The following UBE2W variants were observed in gnomAD, a reference collection of about 807,000 sequenced individuals.
UBE2W encodes the protein ubiquitin-conjugating enzyme E2 W.
In UBE2W, 18 loss-of-function variants were observed where a neutral mutation model predicts 27.2. That is an observed-to-expected ratio of 0.66 (90% CI 0.46 to 0.98). The LOEUF (loss-of-function observed/expected upper bound fraction) is 0.98, where lower values mean the gene tolerates loss of function less well. UBE2W is among the 50% of genes least tolerant of loss of function. UBE2W has a pLI of 0.00. For missense variants in UBE2W, 90 were observed against 180.2 expected (o/e 0.50, Z 2.87); for synonymous variants, 53 against 57.2 (o/e 0.93, Z 0.33).
chr8:73,844,152 T>C (rs1294563726), intron 1 of UBE2W, among the ~76,000 whole-genome samples: 1 of 94,160 alleles, frequency 1.1e-5, no homozygotes, highest in Non-Finnish European at 1.9e-5. Flanking sequence ...TAAAAAGAGC[T>C]AATTCCCCTC....
At chr8:73,828,945 C>T (rs1205804526) in intron 2 of UBE2W, among the ~76,000 whole-genome samples, 3 of 152,100 alleles carry the variant, frequency 2.0e-5, no homozygotes, top group Non-Finnish European at 4.4e-5. Flanking sequence ...TCCATATCCA[C>T]ATTTCATATA....
chr8:73,838,240 T>C (rs1810387778), intron 1 of UBE2W, among the ~76,000 whole-genome samples: 1 of 152,196 alleles, frequency 6.6e-6, no homozygotes, highest in Non-Finnish European at 1.5e-5. Context: ...TTCCTCATCA[T>C]AAAAATAAAT....
intron 3 of UBE2W, among the ~76,000 whole-genome samples, chr8:73,813,631 GGGTGAATTTACATGCCAGA>G (rs141449124): frequency 0.13 from 19,943 of 151,924 alleles, 1,475 homozygotes; most frequent in African/African-American, 0.19. Flanking sequence ...AACATATAAA[GGGTGAATTTACATGCCAGA>G]GGTGAATTTA....
At chr8:73,841,132 G>A (rs780110713) in intron 1 of UBE2W, among the ~76,000 whole-genome samples, 6 of 152,086 alleles carry the variant, frequency 3.9e-5, no homozygotes, top group Middle Eastern at 3.4e-3. Flanking sequence ...AAAATAGGAG[G>A]GTATGATGGA....
chr8:73,866,268 TAAAA>T lies in UBE2W; in HGVS notation c.15+12536_15+12539del, dbSNP rs10568367. Reference sequence around the variant, plus strand: ...CCTGGTGACAAAGCAAGACTTGGTCTAAAAAAAAAAAAAAAAAAAAAAATATATA... The same window carrying T: ...CCTGGTGACAAAGCAAGACTTGGTCTAAAAAAAAAAAAAAAAAAATATATA... On this transcript the variant is annotated intron_variant, in intron 1 of 5. Transcript: ENST00000602593. 6.4e-3 allele frequency among the ~76,000 whole-genome samples: 271 copies of T among 42,268 alleles called. 1 individual carries two copies. Among genetic ancestry groups the T allele is most frequent in the African/African-American group, 0.016 (215 of 13,146 alleles). 27.7% of individuals were successfully genotyped at this position (42,268 alleles called of 152,430 possible). A position where few individuals can be genotyped will look rare whatever the true frequency, so the allele number is the denominator to read the frequency against.
At position 73,788,064 on chromosome 8, in the gene UBE2W, T is replaced by A. The variant is rs1161959828; in HGVS notation, c.*6038A>T. ...AGAGAAACTACTGTACAAATACTTT[T>A]ACGTCATAAACCAAAAAGAGGTCTG... On this transcript the variant is annotated 3_prime_UTR_variant, in exon 6 of 6. Coordinates refer to ENST00000602593, the MANE Select transcript of UBE2W (RefSeq NM_018299.6). The A allele has an allele frequency of 1.0e-6, 1 of 985,186 alleles. No homozygotes were observed. Among genetic ancestry groups the A allele is most frequent in the Admixed American group, 6.2e-5 (1 of 16,260 alleles). 61.0% of individuals were successfully genotyped at this position (985,186 alleles called of 1,614,324 possible).
intron 1 of UBE2W, among the ~76,000 whole-genome samples, chr8:73,851,658 C>T (rs1811084777): frequency 6.6e-6 from 1 of 151,948 alleles, no homozygotes; most frequent in Admixed American, 6.6e-5. Flanking sequence ...AGACTGAAGG[C>T]AGGAAAGACA....
At position 73,792,525 on chromosome 8, in the gene UBE2W, T is replaced by C. The variant is rs1808246514; in HGVS notation, c.*1577A>G. 4 of 985,634 alleles carry C rather than the reference T, an allele frequency of 4.1e-6. No individual in the cohort carries two copies. The highest frequency in any genetic ancestry group is 3.5e-5 in the African/African-American group (2 of 57,368). The allele number at this position is 985,634 out of a possible 1,614,324, so 61.1% of individuals were successfully genotyped here. ...ATTTTAAAATATTATTTACCAATTA[T>C]TGATTGAATGGTTTTACTGGGGTAC... On this transcript the variant is annotated 3_prime_UTR_variant, in exon 6 of 6. Transcript: ENST00000602593.
chr8:73,820,322 T>C (rs1031049031), intron 3 of UBE2W, among the ~76,000 whole-genome samples: 2 of 152,196 alleles, frequency 1.3e-5, no homozygotes, highest in African/African-American at 4.8e-5. Flanking sequence ...ATATAGATTA[T>C]GTATAAATAC....
At chr8:73,870,196 C>A in intron 1 of UBE2W, 1 of 1,484,946 alleles carries the variant, frequency 6.7e-7, no homozygotes, top group Non-Finnish European at 9.2e-7. Context: ...TCAAAATGGA[C>A]TTTAATAGCT....
intron 1 of UBE2W, among the ~76,000 whole-genome samples, chr8:73,839,944 C>G (rs184747463): frequency 2.0e-5 from 3 of 151,938 alleles, no homozygotes; most frequent in Non-Finnish European, 4.4e-5. Context: ...CCATGTTGGC[C>G]AAGCTGGTCT....
At chr8:73,831,216 G>A (rs73338476) in intron 1 of UBE2W, 5,909 of 406,616 alleles carry the variant, frequency 0.015, 260 homozygotes, top group African/African-American at 0.1. Flanking sequence ...TCTGCTGGAA[G>A]ACCTAGAAGG....
chr8:73,847,125 C>T lies in UBE2W; in HGVS notation c.16-16653G>A, dbSNP rs576628154. On this transcript the variant is annotated intron_variant, in intron 1 of 5. Transcript: ENST00000602593. ...CAGAGGTTGCAGTGAGCCAAGATTG[C>T]GCCACCGCATTCCAGCCTGGGCGAC... is the stretch of plus-strand genomic sequence containing the variant. 2.9e-3 allele frequency among the ~76,000 whole-genome samples: 437 copies of T among 152,140 alleles called. 4 individuals carry two copies. The highest frequency in any genetic ancestry group is 0.014 in the Middle Eastern group (4 of 294).
intron 1 of UBE2W, among the ~76,000 whole-genome samples, chr8:73,849,899 G>T (rs1365794665): frequency 6.6e-6 from 1 of 152,048 alleles, no homozygotes; most frequent in Non-Finnish European, 1.5e-5. Context: ...TGAAACAAAT[G>T]TTAAGGCCAA....
chr8:73,844,704 G>T lies in UBE2W; in HGVS notation c.16-14232C>A, dbSNP rs575461092. Among the ~76,000 whole-genome samples, 643 of 151,892 alleles carry T rather than the reference G, an allele frequency of 4.2e-3. 7 individuals are homozygous for T. The highest frequency in any genetic ancestry group is 0.015 in the African/African-American group (617 of 41,398). ...CGTCATCTCGTCTAGGAAGTGAGGA[G>T]CGTCTCTGCCCAGCCGCCCATCGTC... On this transcript the variant is annotated intron_variant, in intron 1 of 5. Coordinates refer to ENST00000602593, the MANE Select transcript of UBE2W (RefSeq NM_018299.6).
chr8:73,820,633 C>CA (rs1307728084), intron 3 of UBE2W, among the ~76,000 whole-genome samples: 2 of 151,900 alleles, frequency 1.3e-5, no homozygotes, highest in Non-Finnish European at 2.9e-5. Flanking sequence ...TGCAGCTACT[C>CA]AGAGAGGCTG....
chr8:73,854,302 A>G (rs1271398347), intron 1 of UBE2W, among the ~76,000 whole-genome samples: 1 of 152,242 alleles, frequency 6.6e-6, no homozygotes, highest in African/African-American at 2.4e-5. Context: ...AAGTGGAAAC[A>G]ACAGTAGATC....
At chr8:73,806,516 G>A (rs1192339414) in intron 4 of UBE2W, among the ~76,000 whole-genome samples, 3 of 150,080 alleles carry the variant, frequency 2.0e-5, no homozygotes, top group African/African-American at 2.5e-5. Flanking sequence ...TGGCTAACAC[G>A]GTGAAACCCT....
chr8:73,866,224 T>C (rs1487476017), intron 1 of UBE2W, among the ~76,000 whole-genome samples: 3 of 137,306 alleles, frequency 2.2e-5, no homozygotes, highest in Non-Finnish European at 4.5e-5. Context: ...TGACCCAAGA[T>C]TGTGCCACTG....
Sources: allele counts gnomAD v4.1 joint callset (sites outside exome capture counted in the v4.1 genomes callset), GRCh38; gene constraint gnomAD v4.1.1; transcripts MANE v1.5; gene names NCBI Gene and HGNC (gene_info 2026-07-23, HGNC 2026-07-21).